Variants in DMD observed in about 807,000 individuals in gnomAD.
DMD encodes the protein mutant dystrophin.
DMD carries 63 observed loss-of-function variants against 330.1 expected under a neutral mutation model. The observed-to-expected ratio is 0.19, with a 90% CI of 0.16 to 0.24. DMD has a LOEUF of 0.24. Among genes scored for constraint, DMD ranks in the 10% least tolerant of loss-of-function variants. DMD has a pLI of 1.00. For missense variants in DMD, 3,344 were observed against 2,684.1 expected (o/e 1.25, Z -5.43); for synonymous variants, 1,223 against 959.8 (o/e 1.27, Z -5.07).
chrX:32,519,408 A>G (rs1213235353), intron 17 of DMD, among the ~76,000 whole-genome samples: 1 of 111,196 alleles, frequency 9.0e-6, no homozygotes, highest in Non-Finnish European at 1.9e-5. Context: ...CTTTAAATTT[A>G]TCAGTAGATA....
intron 44 of DMD, among the ~76,000 whole-genome samples, chrX:32,007,596 C>T (rs369675391): frequency 1.8e-5 from 2 of 111,117 alleles, no homozygotes; most frequent in Middle Eastern, 4.6e-3. Flanking sequence ...CCCAGAGACA[C>T]GTCAATCTTA....
intron 48 of DMD, among the ~76,000 whole-genome samples, chrX:31,851,443 A>G (rs1270517886): frequency 8.9e-6 from 1 of 112,204 alleles, no homozygotes; most frequent in Non-Finnish European, 1.9e-5. Context: ...GGCCAGTGAA[A>G]GAGTGGGCAT....
intron 47 of DMD, among the ~76,000 whole-genome samples, chrX:31,893,764 A>G (rs1018711726): frequency 6.3e-5 from 7 of 111,130 alleles, no homozygotes; most frequent in Non-Finnish European, 9.5e-5. Context: ...GGGAAGGGAC[A>G]GTAACTAACA....
intron 50 of DMD, among the ~76,000 whole-genome samples, chrX:31,776,416 T>TA (rs755033338): frequency 4.6e-5 from 5 of 109,134 alleles, no homozygotes; most frequent in Admixed American, 9.9e-5. Flanking sequence ...TCTCCAGACT[T>TA]ACTTCTGACC....
chrX:31,283,343 T>C (rs1397501313), intron 62 of DMD, among the ~76,000 whole-genome samples: 1 of 111,741 alleles, frequency 8.9e-6, no homozygotes, highest in Non-Finnish European at 1.9e-5. Context: ...AAATCTAGGA[T>C]ACAAATGTAG....
chrX:32,200,582 G>T (rs1475911556), intron 44 of DMD, among the ~76,000 whole-genome samples: 1 of 110,338 alleles, frequency 9.1e-6, no homozygotes, highest in Non-Finnish European at 1.9e-5. Context: ...AGTTACATAT[G>T]TGAAAACACA....
chrX:33,033,263 C>T (rs2094145011), intron 1 of DMD, among the ~76,000 whole-genome samples: 1 of 109,975 alleles, frequency 9.1e-6, no homozygotes. Context: ...TATTATGCCA[C>T]TGGATTAAAA....
chrX:32,763,518 G>A (rs966485762), intron 7 of DMD, among the ~76,000 whole-genome samples: 11 of 111,569 alleles, frequency 9.9e-5, no homozygotes, highest in African/African-American at 3.6e-4. Context: ...CAGCCTATGA[G>A]AAATTACTAC....
At chrX:32,744,198 T>A (rs1336330557) in intron 7 of DMD, among the ~76,000 whole-genome samples, 4 of 111,104 alleles carry the variant, frequency 3.6e-5, no homozygotes, top group Non-Finnish European at 7.6e-5. Context: ...TTACAATTTT[T>A]TTTTTTTTTG....
At chrX:33,151,636 C>T (rs766778288) in intron 1 of DMD, among the ~76,000 whole-genome samples, 1 of 112,086 alleles carries the variant, frequency 8.9e-6, no homozygotes, top group East Asian at 2.8e-4. Context: ...AGCTCTGCCA[C>T]TTACTTGTAG....
At chrX:31,366,765 C>G (rs369874272) in intron 60 of DMD, among the ~76,000 whole-genome samples, 7 of 109,271 alleles carry the variant, frequency 6.4e-5, no homozygotes, top group African/African-American at 1.7e-4. Flanking sequence ...CACTGTATGT[C>G]CCCTTCAATG....
chrX:31,743,827 T>C (rs1051978113), intron 51 of DMD, among the ~76,000 whole-genome samples: 18 of 111,184 alleles, frequency 1.6e-4, no homozygotes, highest in African/African-American at 5.5e-4. Flanking sequence ...ATGTACTCCC[T>C]GAATCTAAAA....
intron 1 of DMD, among the ~76,000 whole-genome samples, chrX:33,094,408 T>C (rs1208341415): frequency 8.9e-6 from 1 of 111,775 alleles, no homozygotes; most frequent in Non-Finnish European, 1.9e-5. Context: ...GAAAGAGGGA[T>C]CTAAATTAGG....
chrX:31,530,231 C>G (rs190764465), intron 55 of DMD, among the ~76,000 whole-genome samples: 106 of 112,251 alleles, frequency 9.4e-4, no homozygotes, highest in African/African-American at 3.3e-3. Flanking sequence ...CACAACAACA[C>G]AGCAAAATCC....
chrX:32,387,495 G>A (rs759498280), intron 32 of DMD, among the ~76,000 whole-genome samples: 1 of 110,723 alleles, frequency 9.0e-6, no homozygotes, highest in Non-Finnish European at 1.9e-5. Flanking sequence ...TTGTTTTTAT[G>A]GAATTAGAAC....
intron 2 of DMD, among the ~76,000 whole-genome samples, chrX:32,874,360 C>T (rs1444282455): frequency 8.9e-6 from 1 of 111,856 alleles, no homozygotes; most frequent in African/African-American, 3.3e-5. Flanking sequence ...GAACGGTCAG[C>T]ATGAGCCTTG....
chrX:32,460,972 T>A (rs1397418413), intron 25 of DMD, among the ~76,000 whole-genome samples: 2 of 111,929 alleles, frequency 1.8e-5, no homozygotes, highest in African/African-American at 6.5e-5. Flanking sequence ...ATCATTTTTT[T>A]AGAAATAGCT....
Position 32,464,694 on chromosome X carries a change from G to A in DMD, c.3168C>T (p.His1056=), listed in dbSNP as rs1402860820. Residue 1056 remains histidine, a synonymous_variant, in exon 24 of 79, where the codon CAC becomes CAT. Coordinates refer to ENST00000357033, the MANE Select transcript of DMD (RefSeq NM_004006.3). ...QMNKLRKIQN[H]IQTLKKWMAE... ...CCATCCATTTCTTCAGGGTTTGTAT[G>A]TGATTCTGAAACGAGACCCGTTATA... 8.4e-7 allele frequency: 1 copy of A among 1,184,181 alleles called. No homozygotes were observed. The highest frequency in any genetic ancestry group is 1.8e-5 in the African/African-American group (1 of 56,528).
chrX:32,121,579 C>T (rs1225446815), intron 44 of DMD, among the ~76,000 whole-genome samples: 4 of 89,216 alleles, frequency 4.5e-5, no homozygotes, highest in Non-Finnish European at 6.4e-5. Flanking sequence ...ACGTTTCCTC[C>T]GAAAGCTTTC....
Sources: allele counts gnomAD v4.1 joint callset (sites outside exome capture counted in the v4.1 genomes callset), GRCh38; gene constraint gnomAD v4.1.1; transcripts MANE v1.5; gene names NCBI Gene and HGNC (gene_info 2026-07-23, HGNC 2026-07-21).